The following EXOC4 variants were observed in gnomAD, a reference collection of about 807,000 sequenced individuals.
EXOC4 encodes the protein exocyst complex component 4.
EXOC4 carries 71 observed loss-of-function variants against 107.2 expected under a neutral mutation model. That is an observed-to-expected ratio of 0.66 (90% CI 0.55 to 0.81). The LOEUF is 0.81. Among genes scored for constraint, EXOC4 ranks in the 30% least tolerant of loss-of-function variants. EXOC4 has a pLI of 0.00. For missense variants in EXOC4, 1,108 were observed against 1,189.6 expected (o/e 0.93, Z 1.01); for synonymous variants, 456 against 441.2 (o/e 1.03, Z -0.42).
At chr7:133,491,675 G>T (rs1307397869) in intron 9 of EXOC4, among the ~76,000 whole-genome samples, 7 of 152,156 alleles carry the variant, frequency 4.6e-5, no homozygotes, top group Non-Finnish European at 1.0e-4. Flanking sequence ...GTGCAGAGGG[G>T]TTCTAGATGC....
At chr7:134,086,622 C>A in the EXOC4 span, among the ~76,000 whole-genome samples, 1 of 152,078 alleles carries the variant, frequency 6.6e-6, no homozygotes, top group South Asian at 2.1e-4. Flanking sequence ...GGTTCTGGGG[C>A]CTTGCTTAAA....
intron 17 of EXOC4, among the ~76,000 whole-genome samples, chr7:134,032,582 G>A (rs1314072104): frequency 2.0e-5 from 3 of 152,192 alleles, no homozygotes; most frequent in Non-Finnish European, 2.9e-5. Flanking sequence ...TGAGCTGGGG[G>A]GCCTCACTGG....
At chr7:133,918,472 A>G (rs1245500095) in intron 13 of EXOC4, among the ~76,000 whole-genome samples, 2 of 152,204 alleles carry the variant, frequency 1.3e-5, no homozygotes, top group African/African-American at 2.4e-5. Flanking sequence ...TGTTCTTAAC[A>G]TGTTCTCCAG....
At chr7:133,511,837 A>G (rs1182359527) in intron 9 of EXOC4, among the ~76,000 whole-genome samples, 1 of 151,320 alleles carries the variant, frequency 6.6e-6, no homozygotes, top group Non-Finnish European at 1.5e-5. Context: ...CTTAAGTATA[A>G]TCATTGTAGA....
intron 9 of EXOC4, among the ~76,000 whole-genome samples, chr7:133,585,422 A>G (rs535105251): frequency 8.5e-5 from 13 of 152,230 alleles, no homozygotes; most frequent in Admixed American, 2.6e-4. Context: ...TTACTTTGGC[A>G]TTACTCTGGG....
At chr7:133,701,436 G>A (rs1794653284) in intron 10 of EXOC4, among the ~76,000 whole-genome samples, 1 of 152,170 alleles carries the variant, frequency 6.6e-6, no homozygotes, top group South Asian at 2.1e-4. Flanking sequence ...TTTGCATACA[G>A]TGGGGCCTTG....
intron 14 of EXOC4, among the ~76,000 whole-genome samples, chr7:133,961,693 CAGTA>C (rs1487814265): frequency 6.6e-6 from 1 of 152,210 alleles, no homozygotes; most frequent in Non-Finnish European, 1.5e-5. Context: ...GAAGCTAACA[CAGTA>C]AGTATTAATG....
intron 9 of EXOC4, among the ~76,000 whole-genome samples, chr7:133,541,338 A>C (rs1209582537): frequency 6.6e-6 from 1 of 152,154 alleles, no homozygotes; most frequent in Non-Finnish European, 1.5e-5. Context: ...ATTCTGGGGC[A>C]CTGTGGTTAG....
At chr7:133,623,319 A>G (rs933085676) in intron 9 of EXOC4, among the ~76,000 whole-genome samples, 5 of 152,196 alleles carry the variant, frequency 3.3e-5, no homozygotes, top group African/African-American at 9.7e-5. Flanking sequence ...ATAATACTGT[A>G]ATCAATATAC....
At chr7:133,386,712 C>T (rs1238428080) in intron 7 of EXOC4, among the ~76,000 whole-genome samples, 1 of 152,122 alleles carries the variant, frequency 6.6e-6, no homozygotes, top group Non-Finnish European at 1.5e-5. Flanking sequence ...GACTTTAAAC[C>T]TTCTGTGGTA....
chr7:133,276,519 A>AT (rs1035540158), intron 2 of EXOC4, among the ~76,000 whole-genome samples: 11 of 152,110 alleles, frequency 7.2e-5, no homozygotes, highest in African/African-American at 2.4e-4. Context: ...ATTTTCAGGC[A>AT]TTTTTAAAGC....
At chr7:133,847,189 A>G (rs994235639) in intron 11 of EXOC4, among the ~76,000 whole-genome samples, 12 of 152,074 alleles carry the variant, frequency 7.9e-5, no homozygotes, top group Admixed American at 5.9e-4. Flanking sequence ...TTTGCCATAT[A>G]TAATACCTTA....
the EXOC4 span, among the ~76,000 whole-genome samples, chr7:134,084,015 T>C: frequency 1.4e-4 from 21 of 152,178 alleles, no homozygotes; most frequent in Non-Finnish European, 2.8e-4. Context: ...AGGCTTATTA[T>C]AGCAAACAGA....
rs533120814 is a variant in EXOC4 at position 133,408,352 on chromosome 7, A to T, written c.1182+33350A>T. Among the ~76,000 whole-genome samples, 359 of 144,722 alleles carry T rather than the reference A, an allele frequency of 2.5e-3. 5 individuals are homozygous for T. The highest frequency in any genetic ancestry group is 8.7e-3 in the African/African-American group (335 of 38,624). The allele number at this position is 144,722 out of a possible 152,430, so 94.9% of individuals were successfully genotyped here. A position where few individuals can be genotyped will look rare whatever the true frequency, so the allele number is the denominator to read the frequency against. ...GGATGGGGTGGTGATGGTGGGGTGGATTGGTGATGGTGGAGGTGATGGTGG... is the reference window on the plus strand; with the variant it reads ...GGATGGGGTGGTGATGGTGGGGTGGTTTGGTGATGGTGGAGGTGATGGTGG... On this transcript the variant is annotated intron_variant, in intron 7 of 17. Transcript: ENST00000253861.
intron 15 of EXOC4, among the ~76,000 whole-genome samples, chr7:133,999,890 A>G (rs73442628): frequency 0.023 from 3,492 of 152,248 alleles, 171 homozygotes; most frequent in African/African-American, 0.08. Context: ...TTAATACTGA[A>G]CATGCTTTAG....
intron 10 of EXOC4, among the ~76,000 whole-genome samples, chr7:133,694,186 G>A (rs143506813): frequency 0.017 from 2,540 of 150,758 alleles, 33 homozygotes; most frequent in Non-Finnish European, 0.029. Flanking sequence ...GCTTGAACCC[G>A]GGAGGCAGAG....
chr7:133,568,058 ATTC>A (rs755513279), intron 9 of EXOC4, among the ~76,000 whole-genome samples: 1 of 152,220 alleles, frequency 6.6e-6, no homozygotes, highest in Non-Finnish European at 1.5e-5. Flanking sequence ...GTGTTAACAA[ATTC>A]TTGACTCATT....
chr7:133,646,184 G>A (rs1241733008), intron 10 of EXOC4, among the ~76,000 whole-genome samples: 1 of 152,096 alleles, frequency 6.6e-6, no homozygotes, highest in Non-Finnish European at 1.5e-5. Context: ...ACATCACAAA[G>A]GCTGTCAAAA....
intron 17 of EXOC4, among the ~76,000 whole-genome samples, chr7:134,043,149 T>TC (rs1795562911): frequency 6.6e-6 from 1 of 152,116 alleles, no homozygotes; most frequent in East Asian, 1.9e-4. Flanking sequence ...CATTTTTTTT[T>TC]CCAGATATGG....
Sources: allele counts gnomAD v4.1 joint callset (sites outside exome capture counted in the v4.1 genomes callset), GRCh38; gene constraint gnomAD v4.1.1; transcripts MANE v1.5; gene names NCBI Gene and HGNC (gene_info 2026-07-23, HGNC 2026-07-21).